The following RASGEF1A variants were observed in gnomAD, a reference collection of about 807,000 sequenced individuals.
RASGEF1A encodes ras-GEF domain-containing family member 1A.
In RASGEF1A, 18 loss-of-function variants were observed where a neutral mutation model predicts 56.4. That is an observed-to-expected ratio of 0.32 (90% CI 0.22 to 0.47). The LOEUF (loss-of-function observed/expected upper bound fraction) is 0.47. Among genes scored for constraint, RASGEF1A ranks in the 20% least tolerant of loss-of-function variants. The pLI, the probability that RASGEF1A is intolerant of heterozygous loss-of-function variation, is 1.00. For missense variants in RASGEF1A, 422 were observed against 627.1 expected, an observed-to-expected ratio of 0.67 and a Z score of 3.49; for synonymous variants, 245 against 242.6, an observed-to-expected ratio of 1.01 and a Z score of -0.09.
At chr10:43,225,726 A>T (rs914043567) in intron 1 of RASGEF1A, among the ~76,000 whole-genome samples, 2 of 152,008 alleles carry the variant, frequency 1.3e-5, no homozygotes, top group South Asian at 2.1e-4. Context: ...CCCACCCAAA[A>T]CACCACACCA....
intron 1 of RASGEF1A, among the ~76,000 whole-genome samples, chr10:43,224,418 A>C (rs1840247137): frequency 6.6e-6 from 1 of 152,194 alleles, no homozygotes; most frequent in East Asian, 1.9e-4. Context: ...ATAGAGCCTG[A>C]CCCAGTGGGC....
chr10:43,220,586 C>T (rs1048500453), intron 1 of RASGEF1A, among the ~76,000 whole-genome samples: 1 of 152,130 alleles, frequency 6.6e-6, no homozygotes, highest in Non-Finnish European at 1.5e-5. Flanking sequence ...GAGTTCAAGA[C>T]CAGCCCGACC....
intron 1 of RASGEF1A, among the ~76,000 whole-genome samples, 146 bp downstream of exon 1, chr10:43,266,686 CCCCGCGCCCGGAG>C (rs1427805841): frequency 1.4e-5 from 2 of 146,352 alleles, no homozygotes; most frequent in African/African-American, 4.9e-5. Context: ...GCGTCCCCCG[CCCCGCGCCCGGAG>C]CCCGCGCCCC....
At chr10:43,223,320 T>C (rs1840233277) in intron 1 of RASGEF1A, among the ~76,000 whole-genome samples, 1 of 152,166 alleles carries the variant, frequency 6.6e-6, no homozygotes, top group African/African-American at 2.4e-5. Context: ...ATAAGCACAA[T>C]GTACTATAGT....
intron 1 of RASGEF1A, among the ~76,000 whole-genome samples, chr10:43,227,842 C>T (rs923496265): frequency 2.6e-5 from 4 of 152,108 alleles, no homozygotes; most frequent in African/African-American, 9.7e-5. Flanking sequence ...GCCTGACCTT[C>T]CCCATCTCAA....
chr10:43,210,390 C>A (rs985578098), intron 1 of RASGEF1A, among the ~76,000 whole-genome samples: 1 of 152,202 alleles, frequency 6.6e-6, no homozygotes, highest in African/African-American at 2.4e-5. Context: ...AGGAGGATCA[C>A]TTGAGCCCAG....
intron 1 of RASGEF1A, among the ~76,000 whole-genome samples, chr10:43,247,631 G>A (rs1047418196): frequency 2.1e-5 from 3 of 140,300 alleles, no homozygotes; most frequent in South Asian, 2.2e-4. Context: ...CTAAGAGAAG[G>A]AAATCTGACA....
At chr10:43,220,089 A>G (rs542325151) in intron 1 of RASGEF1A, among the ~76,000 whole-genome samples, 253 of 152,340 alleles carry the variant, frequency 1.7e-3, no homozygotes, top group Middle Eastern at 6.8e-3. Context: ...CTCTTCTGTC[A>G]CATGCTGTGC....
intron 1 of RASGEF1A, among the ~76,000 whole-genome samples, chr10:43,260,680 C>A (rs571084817): frequency 6.6e-6 from 1 of 151,406 alleles, no homozygotes; most frequent in Non-Finnish European, 1.5e-5. Context: ...TTTCCCACTG[C>A]GGGAGCCAAG....
At chr10:43,229,621 C>A in intron 1 of RASGEF1A, 2 of 1,491,856 alleles carry the variant, frequency 1.3e-6, no homozygotes, top group Non-Finnish European at 8.9e-7. Flanking sequence ...TGCGCCTGGG[C>A]CCGCCGCAGC....
At chr10:43,230,938 C>T (rs553996978) in intron 1 of RASGEF1A, among the ~76,000 whole-genome samples, 29 of 152,228 alleles carry the variant, frequency 1.9e-4, no homozygotes, top group Non-Finnish European at 3.8e-4. Flanking sequence ...GGCCTGGAGA[C>T]AGGAGTCCTT....
intron 1 of RASGEF1A, among the ~76,000 whole-genome samples, chr10:43,226,170 A>G (rs1311676109): frequency 6.6e-6 from 1 of 152,242 alleles, no homozygotes; most frequent in Non-Finnish European, 1.5e-5. Context: ...GGCCAGGTTC[A>G]GTGGCTAATG....
chr10:43,215,108 G>A (rs1353747732), intron 1 of RASGEF1A, among the ~76,000 whole-genome samples: 2 of 152,168 alleles, frequency 1.3e-5, no homozygotes, highest in Non-Finnish European at 2.9e-5. Flanking sequence ...CAGATGATTC[G>A]GGGGACCGAT....
intron 4 of RASGEF1A, 81 bp downstream of exon 4, chr10:43,201,727 T>C: frequency 1.5e-6 from 2 of 1,370,552 alleles, no homozygotes; most frequent in Non-Finnish European, 1.9e-6. Flanking sequence ...CATACAGAGT[T>C]GTCCCCGAAG....
In RASGEF1A at chr10:43,200,204, A is replaced by G. The variant is rs1321800089; in HGVS notation, c.734T>C (p.Met245Thr). The G allele has an allele frequency of 6.2e-7, 1 of 1,605,230 alleles. No homozygotes were observed. Among genetic ancestry groups the G allele is most frequent in the Admixed American group, 1.7e-5 (1 of 59,202 alleles). ...TACCCTGTGGTTGTCCAAGGAGTCCATGTGGCTGACGATCTGCATCAAGTC... is the reference window on the plus strand; with the variant it reads ...TACCCTGTGGTTGTCCAAGGAGTCCGTGTGGCTGACGATCTGCATCAAGTC... Reference protein sequence around the residue: ...PEDLMQIVSHMDSLDNHRCRG... With the variant: ...PEDLMQIVSHTDSLDNHRCRG... The change falls in exon 6 of 13, where the codon ATG becomes ACG. Residue 245 changes from methionine (M) to threonine (T), a missense_variant. This residue lies in a region of RASGEF1A where 273 missense variants were observed against 339.9 expected (regional missense o/e 0.80). Transcript: ENST00000395810.
At chr10:43,213,581 G>A (rs1337579973) in intron 1 of RASGEF1A, among the ~76,000 whole-genome samples, 1 of 152,148 alleles carries the variant, frequency 6.6e-6, no homozygotes, top group East Asian at 1.9e-4. Flanking sequence ...GAAAGAGTAC[G>A]AATGACATTC....
At position 43,196,896 on chromosome 10, in the gene RASGEF1A, G is replaced by T; in HGVS notation, c.1348+80C>A. ...GGAGCAGCCAGCAGGCCATCTCCCA[G>T]GGCAACCCCAAAGAGCACCGGGCCT... is the stretch of plus-strand genomic sequence containing the variant. On this transcript the variant is annotated intron_variant, in intron 11 of 12. Coordinates refer to ENST00000395810, the MANE Select transcript of RASGEF1A (RefSeq NM_145313.4). This position sits in a 1 kb window ranked among gnomAD's most constrained non-coding sequence, Gnocchi z 4.6. 1 of 1,556,614 alleles carries T rather than the reference G, an allele frequency of 6.4e-7. No homozygotes were observed.
intron 1 of RASGEF1A, among the ~76,000 whole-genome samples, chr10:43,218,667 C>T (rs575766982): frequency 2.0e-5 from 3 of 152,254 alleles, no homozygotes; most frequent in Admixed American, 6.5e-5. Flanking sequence ...GAAGAAGGGC[C>T]GGATTTACCT....
intron 1 of RASGEF1A, among the ~76,000 whole-genome samples, chr10:43,225,295 CTGTG>C (rs1385204674): frequency 7.7e-6 from 1 of 130,320 alleles, no homozygotes; most frequent in African/African-American, 3.0e-5. Context: ...TTCTGTGTGT[CTGTG>C]TCTTTGTGTG....
Sources: allele counts gnomAD v4.1 joint callset (sites outside exome capture counted in the v4.1 genomes callset), GRCh38; gene constraint gnomAD v4.1.1; regional missense constraint gnomAD v4.1.1; non-coding constraint Gnocchi (gnomAD v3.1); transcripts MANE v1.5; gene names NCBI Gene and HGNC (gene_info 2026-07-23, HGNC 2026-07-21).